The following CEP350 variants were observed in gnomAD, a reference collection of about 807,000 sequenced individuals.
CEP350 encodes centrosomal protein 350, also known as centrosome-associated protein 350.
A neutral mutation model predicts 331.8 loss-of-function variants in CEP350; 126 were observed. The ratio of observed to expected loss-of-function variants is 0.38; its 90% CI spans 0.33 to 0.44. The LOEUF is 0.44. Ranked by LOEUF, CEP350 falls within the 20% of genes least tolerant of loss-of-function variation. CEP350 has a pLI of 1.00. For synonymous variants in CEP350, 1,200 were observed against 1,259.5 expected (o/e 0.95, Z 1.00); for missense variants, 3,406 against 3,634.6 (o/e 0.94, Z 1.62).
intron 25 of CEP350, 80 bp from the exon 26 acceptor site, chr1:180,062,140 G>C: frequency 1.6e-6 from 2 of 1,258,056 alleles, no homozygotes; most frequent in African/African-American, 1.5e-5. Context: ...TTTAATATAT[G>C]TGCTGATTTT....
intron 36 of CEP350, among the ~76,000 whole-genome samples, chr1:180,098,368 T>C (rs903090658): frequency 2.0e-5 from 3 of 152,042 alleles, no homozygotes; most frequent in Non-Finnish European, 2.9e-5. Context: ...TTAGATAAGA[T>C]CTCGCTTTGT....
intron 6 of CEP350, among the ~76,000 whole-genome samples, chr1:179,998,303 C>CTTTTTTTTTT (rs763257368): frequency 1.4e-4 from 16 of 111,960 alleles, no homozygotes; most frequent in African/African-American, 3.2e-4. Context: ...CTTCTATTTT[C>CTTTTTTTTTT]TTTTTTTTTT....
At chr1:180,073,910 T>C in intron 27 of CEP350, 1 of 1,304,702 alleles carries the variant, frequency 7.7e-7, no homozygotes, top group Non-Finnish European at 1.0e-6. Context: ...GTTGGTCAGG[T>C]AACTTTGCAC....
intron 30 of CEP350, among the ~76,000 whole-genome samples, chr1:180,081,346 CTTCT>C (rs1293783940): frequency 6.6e-6 from 1 of 152,096 alleles, no homozygotes; most frequent in South Asian, 2.1e-4. Flanking sequence ...GTTTACAGCT[CTTCT>C]TTCTTCTTTG....
chr1:180,090,958 T>A (rs971430240), intron 33 of CEP350, among the ~76,000 whole-genome samples, 162 bp downstream of exon 33: 1 of 152,158 alleles, frequency 6.6e-6, no homozygotes, highest in African/African-American at 2.4e-5. Flanking sequence ...AGTGATTTAT[T>A]GGCTATGTGT....
chr1:180,090,876 A>G, intron 33 of CEP350, 80 bp downstream of exon 33: 1 of 1,195,814 alleles, frequency 8.4e-7, no homozygotes, highest in South Asian at 2.5e-5. Flanking sequence ...TTCTACCTCT[A>G]TAGCTTTTTT....
In CEP350 at chr1:180,094,296, G is replaced by A. The variant is rs1660359029; in HGVS notation, c.8191G>A (p.Glu2731Lys). 1 of 1,613,768 alleles carries A rather than the reference G, an allele frequency of 6.2e-7. No homozygotes were observed. The highest frequency in any genetic ancestry group is 8.5e-7 in the Non-Finnish European group (1 of 1,179,828). ...DLLTREKNQL[E>K]AQLKSSLNEE... ...TTTAACAAGAGAAAAAAACCAACTG[G>A]AAGCCCAGCTGAAGTCATCACTAAA... The change falls in exon 34 of 38, where the codon GAA becomes AAA. Residue 2731 changes from glutamate (E) to lysine (K), a missense_variant. Glu to Lys is a moderately conservative substitution (Grantham distance 56). This residue lies in a region of CEP350 where 1,415 missense variants were observed against 1,512.3 expected (regional missense o/e 0.94). Coordinates refer to ENST00000367607, the MANE Select transcript of CEP350 (RefSeq NM_014810.5).
In CEP350 at chr1:180,094,636, A is replaced by G. The variant is rs767582344; in HGVS notation, c.8511+20A>G. On this transcript the variant is annotated intron_variant, in intron 34 of 37. Coordinates refer to ENST00000367607, the MANE Select transcript of CEP350 (RefSeq NM_014810.5). The stretch of plus-strand genomic sequence containing the variant: ...AGACCGGTGAGTATTTCGTCTAGAA[A>G]AAGTATCAGTATACCTTTTGACACT... 1.7e-5 allele frequency: 28 copies of G among 1,601,080 alleles called. No homozygotes were observed. The Admixed American group carries it at 4.7e-4, about 27-fold the overall frequency.
intron 26 of CEP350, 140 bp downstream of exon 26, chr1:180,062,506 G>A (rs1658285051): frequency 8.7e-7 from 1 of 1,150,662 alleles, no homozygotes; most frequent in Non-Finnish European, 1.1e-6. Flanking sequence ...GGATGGGCCA[G>A]TCTTAGTCCA....
At chr1:180,006,117 T>C (rs1048251030) in intron 7 of CEP350, among the ~76,000 whole-genome samples, 1 of 152,094 alleles carries the variant, frequency 6.6e-6, no homozygotes, top group African/African-American at 2.4e-5. Context: ...TCTGTGAGAG[T>C]GCTCACCTCT....
At position 180,011,962 on chromosome 1, in the gene CEP350, G is replaced by A. The variant is rs569363586; in HGVS notation, c.1280G>A (p.Arg427Gln). The A allele has an allele frequency of 5.0e-6, 8 of 1,602,518 alleles. No individual in the cohort carries two copies. The highest frequency in any genetic ancestry group is 1.7e-4 in the Middle Eastern group (1 of 6,046). ...CATCTTATAAGTACATCTTCTTGGC[G>A]AGATGGACAAAAATTAGTAAAGAAG... ...SSHLISTSSWRDGQKLVKKIL... is the reference protein window; with the variant it reads ...SSHLISTSSWQDGQKLVKKIL... The change falls in exon 9 of 38, where the codon CGA becomes CAA. Residue 427 changes from arginine (R) to glutamine (Q), a missense_variant. By Grantham distance (43) the Arg-to-Gln change is conservative. Around this residue, in one of 5 missense-constraint regions of CEP350, gnomAD observed 1,857 missense variants for 1,909.2 expected, o/e 0.97. Coordinates refer to ENST00000367607, the MANE Select transcript of CEP350 (RefSeq NM_014810.5).
chr1:179,982,655 T>C (rs774635682), intron 1 of CEP350, among the ~76,000 whole-genome samples: 4 of 152,232 alleles, frequency 2.6e-5, no homozygotes, highest in Non-Finnish European at 5.9e-5. Flanking sequence ...TCAGCACTTA[T>C]TTTAGTTTTA....
rs1476156353 is a variant in CEP350 at position 180,075,232 on chromosome 1, C to T, written c.5767+11C>T. 5.0e-6 allele frequency: 8 copies of T among 1,594,014 alleles called. No homozygotes were observed. The highest frequency in any genetic ancestry group is 2.7e-5 in the African/African-American group (2 of 74,098). On this transcript the variant is annotated intron_variant, in intron 28 of 37. Transcript: ENST00000367607. ...GAACAGAACAGAAAGGTAATAAATA[C>T]TAACTCTGTTCACACTACAAACTAA...
At chr1:179,974,056 G>T (rs6673252) in intron 1 of CEP350, among the ~76,000 whole-genome samples, 82,389 of 147,852 alleles carry the variant, frequency 0.56, 24,475 homozygotes, top group Admixed American at 0.69. Context: ...TTTTTTTTTT[G>T]TTGTTGTTGC....
rs1438094355 is a variant in CEP350 at position 180,114,808 on chromosome 1, A to G, written c.*3647A>G. The G allele has an allele frequency of 6.6e-6, 1 of 152,658 alleles. No individual in the cohort carries two copies. Among genetic ancestry groups the G allele is most frequent in the African/African-American group, 2.4e-5 (1 of 41,460 alleles). The allele number at this position is 152,658 out of a possible 1,614,324, so 9.5% of individuals were successfully genotyped here. ...TGAATTCCCATGTATACCTGTGTAA[A>G]TAGATTTGTTAACTGAAATATACTT... On this transcript the variant is annotated 3_prime_UTR_variant, in exon 38 of 38. Coordinates refer to ENST00000367607, the MANE Select transcript of CEP350 (RefSeq NM_014810.5).
intron 1 of CEP350, among the ~76,000 whole-genome samples, chr1:179,970,401 A>G (rs1041226407): frequency 6.6e-6 from 1 of 152,190 alleles, no homozygotes; most frequent in African/African-American, 2.4e-5. Context: ...TTTACTTGGA[A>G]CAGTGTAATA....
intron 16 of CEP350, 30 bp downstream of exon 16, chr1:180,034,112 A>G (rs756859834): frequency 6.3e-7 from 1 of 1,587,250 alleles, no homozygotes; most frequent in Non-Finnish European, 8.6e-7. Context: ...TGTAATTTTT[A>G]GAATACGATA....
chr1:180,101,637 C>T (rs1660822036), intron 37 of CEP350, among the ~76,000 whole-genome samples: 1 of 152,102 alleles, frequency 6.6e-6, no homozygotes, highest in African/African-American at 2.4e-5. Context: ...GTGTCACATC[C>T]CACAGAGTGA....
At chr1:179,991,784 G>A (rs1169112541) in intron 4 of CEP350, among the ~76,000 whole-genome samples, 3 of 150,536 alleles carry the variant, frequency 2.0e-5, no homozygotes, top group African/African-American at 7.3e-5. Flanking sequence ...TCTTAAGTGA[G>A]TGAGAGCCAT....
Sources: gnomAD v4.1 joint callset for allele counts (sites outside exome capture counted in the v4.1 genomes callset) on GRCh38, gnomAD v4.1.1 for gene constraint, gnomAD v4.1.1 regional missense constraint, MANE v1.5 for transcripts, NCBI Gene and HGNC (gene_info 2026-07-23, HGNC 2026-07-21) for gene names.